LSAMP: variants seen among roughly 807,000 people sequenced by gnomAD.
The protein encoded by LSAMP is limbic system associated membrane protein.
Under a neutral mutation model 38.6 loss-of-function variants are expected in LSAMP, and 7 were observed. The ratio of observed to expected loss-of-function variants is 0.18; its 90% CI spans 0.10 to 0.34. The LOEUF is 0.34. Ranked by LOEUF, LSAMP falls within the 10% of genes least tolerant of loss-of-function variation. The pLI is 1.00. For synonymous variants in LSAMP, 154 were observed against 166.8 expected, an observed-to-expected ratio of 0.92 and a Z score of 0.59; for missense variants, 313 against 420.0, an observed-to-expected ratio of 0.75 and a Z score of 2.23.
chr3:116,145,742 C>T (rs1473642157), intron 1 of LSAMP, among the ~76,000 whole-genome samples: 1 of 151,806 alleles, frequency 6.6e-6, no homozygotes, highest in Non-Finnish European at 1.5e-5. Context: ...GAATATTACT[C>T]ATTGAATATT....
intron 1 of LSAMP, among the ~76,000 whole-genome samples, chr3:116,253,683 A>C (rs1023262596): frequency 6.6e-6 from 1 of 152,174 alleles, no homozygotes; most frequent in Non-Finnish European, 1.5e-5. Flanking sequence ...ATTGTGAATC[A>C]GCAGTTATTG....
chr3:116,026,364 C>T (rs1168883198), intron 2 of LSAMP, among the ~76,000 whole-genome samples: 2 of 152,168 alleles, frequency 1.3e-5, no homozygotes, highest in Non-Finnish European at 1.5e-5. Context: ...TCTCTAGGTT[C>T]ACAAATCATC....
At chr3:116,229,250 A>G (rs1233967993) in intron 1 of LSAMP, among the ~76,000 whole-genome samples, 1 of 152,146 alleles carries the variant, frequency 6.6e-6, no homozygotes, top group African/African-American at 2.4e-5. Context: ...AACATGATTT[A>G]TTTACTTAAG....
chr3:116,381,112 T>C (rs548905920), intron 1 of LSAMP, among the ~76,000 whole-genome samples: 1 of 152,240 alleles, frequency 6.6e-6, no homozygotes, highest in African/African-American at 2.4e-5. Context: ...TGTTACTCCA[T>C]TTTGGTTTTA....
chr3:116,043,717 A>G (rs12695319), intron 2 of LSAMP, among the ~76,000 whole-genome samples: 34,751 of 152,190 alleles, frequency 0.23, 5,145 homozygotes, highest in African/African-American at 0.42. Flanking sequence ...AGGCCGAGGC[A>G]GGCGGATCAC....
At chr3:116,225,401 G>C (rs181734432) in intron 1 of LSAMP, among the ~76,000 whole-genome samples, 1 of 152,172 alleles carries the variant, frequency 6.6e-6, no homozygotes, top group South Asian at 2.1e-4. Flanking sequence ...CTCTAGAGCC[G>C]TCAGAGGGAG....
chr3:116,174,530 G>C (rs1195647094), intron 1 of LSAMP, among the ~76,000 whole-genome samples: 1 of 151,934 alleles, frequency 6.6e-6, no homozygotes, highest in African/African-American at 2.4e-5. Context: ...AAAGAAAACT[G>C]ATAACTTCGC....
chr3:116,438,865 C>CAAATG (rs2049391196), intron 1 of LSAMP, among the ~76,000 whole-genome samples: 2 of 152,198 alleles, frequency 1.3e-5, no homozygotes, highest in South Asian at 4.1e-4. Context: ...GTGTAACAAA[C>CAAATG]AAATGGGTTT....
In LSAMP at chr3:116,262,709, A is replaced by G. The variant is rs530154850; in HGVS notation, c.156-176153T>C. On this transcript the variant is annotated intron_variant, in intron 1 of 6. Transcript: ENST00000490035. Reference sequence around the variant, plus strand: ...GAATGCAATAAATTTCAGGTCATAAATCATTCAGCATATCTTGATAGAGGA... The same window carrying G: ...GAATGCAATAAATTTCAGGTCATAAGTCATTCAGCATATCTTGATAGAGGA... 2.6e-5 allele frequency among the ~76,000 whole-genome samples: 4 copies of G among 152,328 alleles called. No individual in the cohort carries two copies. The East Asian group carries it at 5.8e-4, about 22-fold the overall frequency.
In LSAMP at chr3:116,379,474, G is replaced by A. The variant is rs571256806; in HGVS notation, c.155+65403C>T. Among the ~76,000 whole-genome samples the A allele has an allele frequency of 5.5e-4, 84 of 152,072 alleles. 1 individual carries two copies. Among genetic ancestry groups the A allele is most frequent in the African/African-American group, 2.0e-3 (82 of 41,516 alleles). On this transcript the variant is annotated intron_variant, in intron 1 of 6. Transcript: ENST00000490035. ...GCCAGATCATGTGTGGTTTTTGATA[G>A]GCTGGGGCAGAAATGTCAATTTTAA...
At chr3:116,304,979 G>C (rs1406843979) in intron 1 of LSAMP, among the ~76,000 whole-genome samples, 6 of 152,074 alleles carry the variant, frequency 3.9e-5, no homozygotes, top group Non-Finnish European at 8.8e-5. Flanking sequence ...TGAAAAGGGA[G>C]ATAAGTCAAA....
At chr3:116,100,028 T>A (rs1175770128) in intron 1 of LSAMP, among the ~76,000 whole-genome samples, 1 of 146,048 alleles carries the variant, frequency 6.8e-6, no homozygotes, top group Non-Finnish European at 1.5e-5. Flanking sequence ...TATCAGTTAA[T>A]GGAACTCTAA....
At chr3:116,177,574 AAAACT>A (rs1710379631) in intron 1 of LSAMP, among the ~76,000 whole-genome samples, 1 of 152,220 alleles carries the variant, frequency 6.6e-6, no homozygotes, top group Non-Finnish European at 1.5e-5. Context: ...TGAAAACTTA[AAAACT>A]AAACTAAACT....
chr3:115,945,405 G>A (rs946455036), intron 3 of LSAMP, among the ~76,000 whole-genome samples: 2 of 152,068 alleles, frequency 1.3e-5, no homozygotes, highest in East Asian at 1.9e-4. Context: ...GTCTGTCTCC[G>A]ATGTGAAGGA....
chr3:116,199,894 T>A (rs1457194472), intron 1 of LSAMP, among the ~76,000 whole-genome samples: 2 of 152,152 alleles, frequency 1.3e-5, no homozygotes. Flanking sequence ...GGTGAATCTA[T>A]AGATGTTTAT....
At chr3:116,382,584 C>A (rs1434039153) in intron 1 of LSAMP, among the ~76,000 whole-genome samples, 1 of 151,918 alleles carries the variant, frequency 6.6e-6, no homozygotes, top group African/African-American at 2.4e-5. Context: ...AGCACACCAA[C>A]ATGGCACATG....
intron 1 of LSAMP, among the ~76,000 whole-genome samples, chr3:116,289,562 C>A (rs2047236936): frequency 6.6e-6 from 1 of 152,050 alleles, no homozygotes; most frequent in Non-Finnish European, 1.5e-5. Context: ...ATCAATTTCC[C>A]CTACCTTTCT....
chr3:116,064,512 A>C lies in LSAMP; in HGVS notation c.388+21812T>G, dbSNP rs1330171218. On this transcript the variant is annotated intron_variant, in intron 2 of 6. Coordinates refer to ENST00000490035, the MANE Select transcript of LSAMP (RefSeq NM_002338.5). ...AGCGAGACTCCGTCTCAAAAAAAAA[A>C]AAAAAAAAGTCAGTCTGATGAGTTA... 5.3e-5 allele frequency among the ~76,000 whole-genome samples: 8 copies of C among 152,248 alleles called. No individual in the cohort carries two copies. In the East Asian group the frequency reaches 1.5e-3, roughly 29 times the overall value.
intron 1 of LSAMP, among the ~76,000 whole-genome samples, chr3:116,435,507 C>A (rs551156238): frequency 7.9e-5 from 12 of 152,248 alleles, no homozygotes; most frequent in African/African-American, 2.4e-4. Context: ...ATCTCTGCCT[C>A]CACCTCTCAC....
Sources: gnomAD v4.1 joint callset for allele counts (sites outside exome capture counted in the v4.1 genomes callset) on GRCh38, gnomAD v4.1.1 for gene constraint, MANE v1.5 for transcripts, NCBI Gene and HGNC (gene_info 2026-07-23, HGNC 2026-07-21) for gene names.